The following ARHGAP24 variants were observed in gnomAD, a reference collection of about 807,000 sequenced individuals.
The protein encoded by ARHGAP24 is rho GTPase-activating protein 24.
Under a neutral mutation model 76.4 loss-of-function variants are expected in ARHGAP24, and 50 were observed. The observed-to-expected ratio is 0.65, with a 90% CI of 0.52 to 0.83. ARHGAP24 has a LOEUF of 0.83. ARHGAP24 is among the 40% of genes least tolerant of loss of function. The probability of loss-of-function intolerance (pLI) is 0.00; values close to 1 mark genes in which losing one functional copy is unlikely to be tolerated. For missense variants in ARHGAP24, 930 were observed against 914.2 expected (o/e 1.02, Z -0.22); for synonymous variants, 345 against 323.3 (o/e 1.07, Z -0.72).
intron 5 of ARHGAP24, among the ~76,000 whole-genome samples, chr4:85,967,163 A>T (rs544567604): frequency 6.6e-6 from 1 of 152,230 alleles, no homozygotes; most frequent in South Asian, 2.1e-4. Context: ...TAGGACAGAT[A>T]ATTTCCAGGA....
At chr4:85,995,700 T>C in intron 9 of ARHGAP24, 43 bp downstream of exon 9, 3 of 1,572,814 alleles carry the variant, frequency 1.9e-6, no homozygotes, top group Non-Finnish European at 2.6e-6. Context: ...GAGGGCTCAG[T>C]AGCCTCCTAC....
At chr4:85,721,748 T>A (rs964250881) in intron 2 of ARHGAP24, 137 bp from the exon 3 acceptor site, 1 of 745,420 alleles carries the variant, frequency 1.3e-6, no homozygotes, top group African/African-American at 1.8e-5. Flanking sequence ...TTTTTGATTA[T>A]TGGGAATATA....
chr4:85,548,569 C>G (rs940916265), intron 1 of ARHGAP24, among the ~76,000 whole-genome samples: 5 of 152,114 alleles, frequency 3.3e-5, no homozygotes, highest in Non-Finnish European at 7.4e-5. Context: ...TCTGTTTGCT[C>G]GACTTGGAAT....
chr4:85,950,392 C>G (rs1034139512), intron 5 of ARHGAP24, among the ~76,000 whole-genome samples: 2 of 151,938 alleles, frequency 1.3e-5, no homozygotes, highest in African/African-American at 4.8e-5. Context: ...CCTAGCAACT[C>G]AGGAGGCTGA....
intron 1 of ARHGAP24, among the ~76,000 whole-genome samples, chr4:85,487,503 ATAT>A (rs1370245959): frequency 4.6e-5 from 5 of 109,058 alleles, no homozygotes; most frequent in Admixed American, 1.3e-4. Context: ...TATTTATTAC[ATAT>A]TATATAAACA....
intron 9 of ARHGAP24, among the ~76,000 whole-genome samples, chr4:85,997,366 A>G (rs1022895483): frequency 3.0e-5 from 3 of 100,430 alleles, no homozygotes; most frequent in Non-Finnish European, 5.3e-5. Flanking sequence ...TAGATAGATG[A>G]TAGATATAGA....
intron 2 of ARHGAP24, among the ~76,000 whole-genome samples, chr4:85,591,342 G>A (rs890593146): frequency 1.3e-5 from 2 of 152,104 alleles, no homozygotes; most frequent in Admixed American, 6.5e-5. Flanking sequence ...CACCATGCCC[G>A]ACTAGATCTG....
At chr4:85,554,024 A>G (rs1010658942) in intron 1 of ARHGAP24, among the ~76,000 whole-genome samples, 2 of 152,160 alleles carry the variant, frequency 1.3e-5, no homozygotes, top group African/African-American at 4.8e-5. Context: ...AATGGATTCC[A>G]TCACCATTTG....
intron 2 of ARHGAP24, among the ~76,000 whole-genome samples, chr4:85,610,972 T>G (rs1004652934): frequency 6.6e-6 from 1 of 152,046 alleles, no homozygotes; most frequent in South Asian, 2.1e-4. Context: ...AAAATCATGA[T>G]CATAATAGAA....
rs1458943439 is a variant in ARHGAP24, at chr4:85,664,358, T to C, written c.181-57527T>C. Among the ~76,000 whole-genome samples, 4 of 151,170 alleles carry C rather than the reference T, an allele frequency of 2.6e-5. No homozygotes were observed. In the South Asian group the frequency reaches 6.2e-4, roughly 24 times the overall value. ...TATTTCTTTGGGATTGGTGGTGATA[T>C]CCCCTTTATCATTTTTCATTGTGTC... On this transcript the variant is annotated intron_variant, in intron 2 of 9. Transcript: ENST00000395184.
At chr4:85,705,250 TA>T (rs1273329653) in intron 2 of ARHGAP24, among the ~76,000 whole-genome samples, 1 of 152,098 alleles carries the variant, frequency 6.6e-6, no homozygotes, top group African/African-American at 2.4e-5. Flanking sequence ...AGGATATATT[TA>T]AAAATTATTT....
chr4:85,598,741 G>GT (rs1209289261), intron 2 of ARHGAP24, among the ~76,000 whole-genome samples: 26 of 146,366 alleles, frequency 1.8e-4, no homozygotes, highest in African/African-American at 6.3e-4. Flanking sequence ...TCACTGTTTT[G>GT]TTTTGTTTTT....
intron 2 of ARHGAP24, among the ~76,000 whole-genome samples, chr4:85,706,087 G>C (rs926318380): frequency 6.6e-6 from 1 of 152,166 alleles, no homozygotes; most frequent in Non-Finnish European, 1.5e-5. Flanking sequence ...AAAAAGATCG[G>C]AGGTGACCAC....
chr4:85,876,012 G>A lies in ARHGAP24; in HGVS notation c.269-47636G>A, dbSNP rs1299703675. ...CCGGCCTCAGCCTCCGAAAGTGCTG[G>A]GATTACAGGCTTGAGCCACTGCACT... On this transcript the variant is annotated intron_variant, in intron 3 of 9. Transcript: ENST00000395184. Among the ~76,000 whole-genome samples the A allele has an allele frequency of 2.6e-5, 4 of 151,978 alleles. No individual in the cohort carries two copies. In the East Asian group the frequency reaches 7.7e-4, roughly 29 times the overall value.
intron 1 of ARHGAP24, among the ~76,000 whole-genome samples, chr4:85,476,543 A>G (rs1037937471): frequency 2.0e-5 from 3 of 152,234 alleles, no homozygotes; most frequent in Admixed American, 1.3e-4. Flanking sequence ...ACATAAATAC[A>G]TAAATAAAAC....
chr4:85,682,979 T>C (rs1451265826), intron 2 of ARHGAP24, among the ~76,000 whole-genome samples: 4 of 152,008 alleles, frequency 2.6e-5, no homozygotes, highest in Non-Finnish European at 2.9e-5. Context: ...CTTTGCCTGG[T>C]ACATTACAAT....
chr4:85,830,479 C>T (rs1275727761), intron 3 of ARHGAP24, among the ~76,000 whole-genome samples: 1 of 152,082 alleles, frequency 6.6e-6, no homozygotes, highest in Non-Finnish European at 1.5e-5. Context: ...TTATACATAC[C>T]GACATAGTTA....
rs139804099 is a variant in ARHGAP24, at chr4:85,568,520, T to C, written c.-20-2002T>C. Among the ~76,000 whole-genome samples, 274 of 152,256 alleles carry C rather than the reference T, an allele frequency of 1.8e-3. 7 individuals carry two copies. The East Asian group carries it at 0.05, about 28-fold the overall frequency. ...TATTATCTAAATTACCTTACAGCAT[T>C]AATTGTTCAGTTAGAGTGGAGTTCT... On this transcript the variant is annotated intron_variant, in intron 1 of 9. Coordinates refer to ENST00000395184, the MANE Select transcript of ARHGAP24 (RefSeq NM_001025616.3).
chr4:85,917,210 A>G (rs559854595), intron 3 of ARHGAP24, among the ~76,000 whole-genome samples: 67 of 152,038 alleles, frequency 4.4e-4, no homozygotes, highest in Non-Finnish European at 7.2e-4. Flanking sequence ...ATGATTTCCA[A>G]TTTCATCCAT....
Sources: gnomAD v4.1 joint callset for allele counts (sites outside exome capture counted in the v4.1 genomes callset) on GRCh38, gnomAD v4.1.1 for gene constraint, MANE v1.5 for transcripts, NCBI Gene and HGNC (gene_info 2026-07-23, HGNC 2026-07-21) for gene names.